DUSP14: variants seen among roughly 807,000 people sequenced by gnomAD.
DUSP14 encodes dual specificity protein phosphatase 14.
A neutral mutation model predicts 13.2 loss-of-function variants in DUSP14; 5 were observed. The ratio of observed to expected loss-of-function variants is 0.38; its 90% confidence interval spans 0.20 to 0.80. DUSP14 has a LOEUF of 0.80. DUSP14 is among the 30% of genes least tolerant of loss of function. The pLI is 0.44. For synonymous variants in DUSP14, 91 were observed against 103.4 expected, an observed-to-expected ratio of 0.88 and a Z score of 0.73; for missense variants, 185 against 264.0, an observed-to-expected ratio of 0.70 and a Z score of 2.07.
At chr17:37,491,963 T>C (rs1335410667) in intron 1 of DUSP14, among the ~76,000 whole-genome samples, 3 of 152,244 alleles carry the variant, frequency 2.0e-5, no homozygotes, top group Non-Finnish European at 2.9e-5. Flanking sequence ...TTTTAGACTT[T>C]TCTAAGCATT....
chr17:37,508,002 C>G (rs1166710713), intron 1 of DUSP14, among the ~76,000 whole-genome samples: 1 of 152,242 alleles, frequency 6.6e-6, no homozygotes, highest in Non-Finnish European at 1.5e-5. Context: ...TGCACACACA[C>G]GCAGTTTCCT....
chr17:37,511,780 TAA>T (rs968263507), intron 2 of DUSP14, among the ~76,000 whole-genome samples: 6 of 150,576 alleles, frequency 4.0e-5, no homozygotes, highest in African/African-American at 7.3e-5. Context: ...AAATAAAAAA[TAA>T]AAAGTTTTTT....
At chr17:37,511,469 C>T (rs1424731470) in intron 2 of DUSP14, among the ~76,000 whole-genome samples, 1 of 151,662 alleles carries the variant, frequency 6.6e-6, no homozygotes, top group Non-Finnish European at 1.5e-5. Flanking sequence ...TTAGTAGAGA[C>T]AGGGTTTCCC....
intron 1 of DUSP14, among the ~76,000 whole-genome samples, chr17:37,492,239 A>T (rs1047081519): frequency 6.6e-6 from 1 of 150,844 alleles, no homozygotes; most frequent in Non-Finnish European, 1.5e-5. Flanking sequence ...TTTCCTATTT[A>T]AAAAAAAAAT....
rs375438436 is a variant in DUSP14, at chr17:37,496,621, G to A, written c.-181+6663G>A. On this transcript the variant is annotated intron_variant, in intron 1 of 2. Coordinates refer to ENST00000617516, the MANE Select transcript of DUSP14 (RefSeq NM_007026.4). ...ATACAAAAATTAGCCGGGAGTGGTCGTGGGCCCCTGTAATCCCAGCTACTC... is the reference window on the plus strand; with the variant it reads ...ATACAAAAATTAGCCGGGAGTGGTCATGGGCCCCTGTAATCCCAGCTACTC... Among the ~76,000 whole-genome samples, 14 of 152,120 alleles carry A rather than the reference G, an allele frequency of 9.2e-5. No individual in the cohort carries two copies. In the South Asian group the frequency reaches 2.7e-3, roughly 29 times the overall value.
At chr17:37,490,149 C>T (rs2054017153) in intron 1 of DUSP14, among the ~76,000 whole-genome samples, 191 bp downstream of exon 1, 1 of 150,890 alleles carries the variant, frequency 6.6e-6, no homozygotes, top group Admixed American at 6.6e-5. Context: ...GGGCGGCCCG[C>T]GGAGGAGAGG....
chr17:37,510,386 CG>C (rs969247807), intron 1 of DUSP14: 1 of 152,174 alleles, frequency 6.6e-6, no homozygotes, highest in African/African-American at 2.4e-5. Flanking sequence ...GGACATTTCG[CG>C]GATAGGTTGT....
At chr17:37,493,064 T>G (rs1002424800) in intron 1 of DUSP14, among the ~76,000 whole-genome samples, 4 of 152,160 alleles carry the variant, frequency 2.6e-5, no homozygotes, top group Non-Finnish European at 4.4e-5. Context: ...TATATAATTT[T>G]TTAAATTTCT....
At chr17:37,511,937 A>AGTTTTTTGTTTTTTTT (rs1329764853) in intron 2 of DUSP14, among the ~76,000 whole-genome samples, 7 of 16,438 alleles carry the variant, frequency 4.3e-4, no homozygotes, top group African/African-American at 1.4e-3. Flanking sequence ...CCCCCACCCC[A>AGTTTTTTGTTTTTTTT]CTTTTTTTTT....
Position 37,509,138 on chromosome 17 carries a change from C to CTGTATATATATATATGT in DUSP14, c.-180-1539_-180-1538insTGTATATATATATATGT, listed in dbSNP as rs1568204470. 5.7e-5 allele frequency among the ~76,000 whole-genome samples: 2 copies of CTGTATATATATATATGT among 35,362 alleles called. 1 individual carries two copies. The highest frequency in any genetic ancestry group is 3.8e-4 in the African/African-American group (2 of 5,212). The allele number at this position is 35,362 out of a possible 152,430, so 23.2% of individuals were successfully genotyped here. A position where few individuals can be genotyped will look rare whatever the true frequency, so the allele number is the denominator to read the frequency against. On this transcript the variant is annotated intron_variant, in intron 1 of 2. Transcript: ENST00000617516. ...ATATATATATATATATACACACACACACACACACACACACACACACACACA... is the reference window on the plus strand; with the variant it reads ...ATATATATATATATATACACACACACTGTATATATATATATGTACACACACACACACACACACACACA...
At chr17:37,496,915 C>CAA (rs71135730) in intron 1 of DUSP14, among the ~76,000 whole-genome samples, 9 of 98,622 alleles carry the variant, frequency 9.1e-5, no homozygotes, top group African/African-American at 1.2e-4. Flanking sequence ...GACTCTGTCT[C>CAA]AAAAAAAAAA....
chr17:37,490,837 T>G (rs1480342384), intron 1 of DUSP14, among the ~76,000 whole-genome samples: 1 of 152,100 alleles, frequency 6.6e-6, no homozygotes, highest in Admixed American at 6.6e-5. Context: ...GTTTTACAGA[T>G]GTAAAAACGG....
chr17:37,494,240 G>A (rs566531433), intron 1 of DUSP14, among the ~76,000 whole-genome samples: 2 of 152,072 alleles, frequency 1.3e-5, no homozygotes, highest in African/African-American at 2.4e-5. Flanking sequence ...TGATCCGCCC[G>A]CCTCGGCCTC....
At chr17:37,492,768 T>C (rs890944237) in intron 1 of DUSP14, among the ~76,000 whole-genome samples, 6 of 152,102 alleles carry the variant, frequency 3.9e-5, no homozygotes, top group Admixed American at 1.3e-4. Flanking sequence ...AAAACATAAG[T>C]GTAACTGTCT....
At chr17:37,509,126 TATACACACAC>T (rs1174363785) in intron 1 of DUSP14, among the ~76,000 whole-genome samples, 7 of 44,534 alleles carry the variant, frequency 1.6e-4, no homozygotes, top group Non-Finnish European at 2.3e-4. Flanking sequence ...TATATATATA[TATACACACAC>T]ACACACACAC....
At chr17:37,492,280 G>C (rs543110250) in intron 1 of DUSP14, among the ~76,000 whole-genome samples, 1 of 152,272 alleles carries the variant, frequency 6.6e-6, no homozygotes, top group South Asian at 2.1e-4. Flanking sequence ...TCTTGTCTTT[G>C]CTTATAAAGA....
intron 1 of DUSP14, among the ~76,000 whole-genome samples, chr17:37,494,596 A>T (rs927041102): frequency 2.0e-5 from 3 of 152,076 alleles, no homozygotes; most frequent in Non-Finnish European, 4.4e-5. Flanking sequence ...TGTGTGTGTG[A>T]GAGAGAGTGA....
Position 37,512,164 on chromosome 17 carries a change from A to C in DUSP14, c.-92-17A>C. 1.2e-6 allele frequency: 1 copy of C among 837,236 alleles called. No homozygotes were observed. The highest frequency in any genetic ancestry group is 1.9e-6 in the Non-Finnish European group (1 of 530,060). The allele number at this position is 837,236 out of a possible 1,614,324, so 51.9% of individuals were successfully genotyped here. On this transcript the variant is annotated splice_polypyrimidine_tract_variant and intron_variant, in intron 2 of 2. Transcript: ENST00000617516. This position sits in a 1 kb window ranked among gnomAD's most constrained non-coding sequence, Gnocchi z 4.8. The stretch of plus-strand genomic sequence containing the variant: ...TCAGTAGCATTTAAAGTACTGACAC[A>C]TACCTGTATTTTGCAGGAAGGAGAC...
intron 2 of DUSP14, among the ~76,000 whole-genome samples, chr17:37,511,756 TAAAAA>T (rs112056297): frequency 6.8e-6 from 1 of 146,376 alleles, no homozygotes; most frequent in African/African-American, 2.5e-5. Context: ...CCCAGCTAAT[TAAAAA>T]AAAATAAAAA....
Sources: gnomAD v4.1 joint callset for allele counts (sites outside exome capture counted in the v4.1 genomes callset) on GRCh38, gnomAD v4.1.1 for gene constraint, Gnocchi (gnomAD v3.1) non-coding constraint, MANE v1.5 for transcripts, NCBI Gene and HGNC (gene_info 2026-07-23, HGNC 2026-07-21) for gene names.